Variants in NEB observed in about 807,000 individuals in gnomAD.
NEB encodes the protein nemaline myopathy type 2.
NEB carries 512 observed loss-of-function variants against 952.2 expected under a neutral mutation model. The ratio of observed to expected loss-of-function variants is 0.54; its 90% CI spans 0.50 to 0.58. NEB has a LOEUF of 0.58. Ranked by LOEUF, NEB falls within the 20% of genes least tolerant of loss-of-function variation. The probability of loss-of-function intolerance (pLI) is 0.00; values close to 1 mark genes in which losing one functional copy is unlikely to be tolerated. For missense variants in NEB, 8,428 were observed against 9,231.1 expected (o/e 0.91, Z 3.56); for synonymous variants, 2,900 against 3,149.8 (o/e 0.92, Z 2.66).
At position 151,608,603 on chromosome 2, in the gene NEB, C is replaced by G; in HGVS notation, c.12404G>C (p.Arg4135Thr). The change falls in exon 82 of 182, where the codon AGA becomes ACA. Residue 4135 changes from arginine to threonine, a missense_variant. By Grantham distance (71) the Arg-to-Thr change is moderately conservative. Transcript: ENST00000397345. ...CACGAGGTCTTGAGCAACCTTCACT[C>G]TGTTCATTTCCACTGAGCCTTCTGG... ...WMPEGSVEMN[R>T]VKVAQDLVNE... The G allele has an allele frequency of 7.3e-6, 1 of 136,768 alleles. No individual in the cohort carries two copies. The highest frequency in any genetic ancestry group is 1.0e-4 in the South Asian group (1 of 9,554). 8.5% of individuals were successfully genotyped at this position (136,768 alleles called of 1,614,324 possible).
At chr2:151,540,653 T>C in intron 137 of NEB, 44 bp downstream of exon 137, 3 of 1,539,680 alleles carry the variant, frequency 1.9e-6, no homozygotes, top group Non-Finnish European at 2.7e-6. Context: ...TAACAAAGTA[T>C]TTTTCTTTTT....
chr2:151,669,364 G>A (rs1346287747), intron 38 of NEB, among the ~76,000 whole-genome samples: 1 of 152,144 alleles, frequency 6.6e-6, no homozygotes, highest in Non-Finnish European at 1.5e-5. Flanking sequence ...TGTTTAAAGA[G>A]GTGAGGAAGG....
intron 9 of NEB, among the ~76,000 whole-genome samples, chr2:151,722,871 A>C (rs1201370839): frequency 5.9e-5 from 9 of 152,208 alleles, no homozygotes; most frequent in Non-Finnish European, 1.3e-4. Context: ...TAACAAGTAC[A>C]CTAGTCAGGT....
At chr2:151,733,504 A>T (rs1302296217) in intron 2 of NEB, among the ~76,000 whole-genome samples, 3 of 152,174 alleles carry the variant, frequency 2.0e-5, no homozygotes, top group Non-Finnish European at 4.4e-5. Context: ...AAACACTTAG[A>T]GAAAAGACAT....
intron 9 of NEB, 108 bp downstream of exon 9, chr2:151,723,274 C>T: frequency 4.9e-6 from 3 of 613,646 alleles, no homozygotes; most frequent in East Asian, 2.8e-5. Flanking sequence ...TGAAATACAA[C>T]ATTTAGTCTC....
chr2:151,613,925 C>T (rs1171496497), intron 77 of NEB, among the ~76,000 whole-genome samples: 2 of 152,192 alleles, frequency 1.3e-5, no homozygotes, highest in African/African-American at 2.4e-5. Flanking sequence ...TACCCAGTCT[C>T]AGGTAGTTCT....
intron 10 of NEB, among the ~76,000 whole-genome samples, chr2:151,712,633 C>T (rs193128616): frequency 6.6e-5 from 10 of 152,254 alleles, no homozygotes; most frequent in Non-Finnish European, 1.3e-4. Context: ...GAGGCTGGAG[C>T]TTGCTGGCTA....
chr2:151,708,408 T>C (rs2099728150), intron 12 of NEB, among the ~76,000 whole-genome samples: 1 of 152,176 alleles, frequency 6.6e-6, no homozygotes. Context: ...CAGACATTGG[T>C]AAATCCATTT....
In NEB at chr2:151,519,011, G is replaced by GT; in HGVS notation, c.22648_22649insA (p.Ser7550TyrfsTer24). On this transcript the variant is annotated frameshift_variant, in exon 155 of 182. Coordinates refer to ENST00000397345, the MANE Select transcript of NEB (RefSeq NM_001164508.2). LOFTEE classifies it high-confidence loss of function. Reference sequence around the variant, plus strand: ...ATTCAGGACATGATTCATGATCAGAGACTCCTTCATGTCAGTCACGGGTTT... The same window carrying GT: ...ATTCAGGACATGATTCATGATCAGAGTACTCCTTCATGTCAGTCACGGGTTT... 6.2e-7 allele frequency: 1 copy of GT among 1,613,704 alleles called. No individual in the cohort carries two copies.
In NEB at chr2:151,655,809, C is replaced by T. The variant is rs780650914; in HGVS notation, c.6702+8G>A. 5.0e-6 allele frequency: 8 copies of T among 1,613,246 alleles called. No homozygotes were observed. In the Admixed American group the frequency reaches 1.3e-4, roughly 27 times the overall value. On this transcript the variant is annotated splice_region_variant and intron_variant, in intron 50 of 181. Coordinates refer to ENST00000397345, the MANE Select transcript of NEB (RefSeq NM_001164508.2). ...GGGAGCTGTGTGGACGGCCACTGTT[C>T]TCTGTACCTTGTTCATGGTATGTGC...
At chr2:151,680,562 T>C (rs1246483963) in intron 30 of NEB, among the ~76,000 whole-genome samples, 168 bp downstream of exon 30, 1 of 152,202 alleles carries the variant, frequency 6.6e-6, no homozygotes, top group Non-Finnish European at 1.5e-5. Context: ...ACTGTAAATA[T>C]ATGAATTAGG....
rs1258390027 is a variant in NEB at position 151,702,263 on chromosome 2, G to T, written c.1153-4615C>A. On this transcript the variant is annotated intron_variant, in intron 13 of 181. Coordinates refer to ENST00000397345, the MANE Select transcript of NEB (RefSeq NM_001164508.2). Reference sequence around the variant, plus strand: ...TTATAATGTCTGTTCTTTTACATTTGCTGAGGAGAGCTTTACTTCCAAGTA... The same window carrying T: ...TTATAATGTCTGTTCTTTTACATTTTCTGAGGAGAGCTTTACTTCCAAGTA... Among the ~76,000 whole-genome samples the T allele has an allele frequency of 3.9e-5, 6 of 152,102 alleles. No homozygotes were observed. The South Asian group carries it at 1.0e-3, about 26-fold the overall frequency.
intron 135 of NEB, among the ~76,000 whole-genome samples, chr2:151,542,266 G>A (rs545323278): frequency 5.5e-4 from 83 of 152,206 alleles, no homozygotes; most frequent in Admixed American, 1.0e-3. Context: ...GCTGTTAACT[G>A]GGGTGAAGGA....
chr2:151,501,663 A>G (rs1417852601), intron 167 of NEB, among the ~76,000 whole-genome samples, 180 bp from the exon 168 acceptor site: 1 of 152,230 alleles, frequency 6.6e-6, no homozygotes, highest in African/African-American at 2.4e-5. Flanking sequence ...CACACACAGG[A>G]TGTCTGTCTC....
In NEB at chr2:151,654,014, G is replaced by A. The variant is rs1280388530; in HGVS notation, c.6893C>T (p.Ala2298Val). 5.0e-6 allele frequency: 8 copies of A among 1,612,050 alleles called. No individual in the cohort carries two copies. The African/African-American group carries it at 1.1e-4, about 22-fold the overall frequency. ...CACATCACTAGCAATGTCTCTTGAA[G>A]CTTTAGCTAGCTGTACAGAAATTGC... ...VDAISVQLAK[A>V]SRDIASDYKY... The change falls in exon 52 of 182, where the codon GCT (alanine) becomes GTT (valine). Residue 2298 changes from alanine (A) to valine (V), a missense_variant. Physicochemically the swap from Ala to Val is moderately conservative, Grantham distance 64. This residue lies in a region of NEB where 2,851 missense variants were observed against 2,791.5 expected (regional missense o/e 1.02). Transcript: ENST00000397345.
intron 145 of NEB, among the ~76,000 whole-genome samples, chr2:151,530,368 C>T (rs1042888547): frequency 6.6e-6 from 1 of 152,134 alleles, no homozygotes; most frequent in Non-Finnish European, 1.5e-5. Context: ...TTTTGCTCTT[C>T]TTAAATTTCA....
At chr2:151,715,435 T>C (rs1304485345) in intron 10 of NEB, among the ~76,000 whole-genome samples, 3 of 152,248 alleles carry the variant, frequency 2.0e-5, no homozygotes, top group Non-Finnish European at 4.4e-5. Flanking sequence ...AATTCATATG[T>C]TGAAGACCTA....
In NEB at chr2:151,610,533, T is replaced by C; in HGVS notation, c.12001A>G (p.Arg4001Gly). 2 of 1,611,560 alleles carry C rather than the reference T, an allele frequency of 1.2e-6. No homozygotes were observed. Among genetic ancestry groups the C allele is most frequent in the Non-Finnish European group, 1.7e-6 (2 of 1,177,720 alleles). Residue 4001 changes from arginine to glycine, a missense_variant, in exon 80 of 182, where the codon AGG becomes GGG. Arg to Gly is a moderately radical substitution (Grantham distance 125, BLOSUM62 -2). Around this residue, in one of 11 missense-constraint regions of NEB, gnomAD observed 337 missense variants for 297.5 expected, o/e 1.13. Coordinates refer to ENST00000397345, the MANE Select transcript of NEB (RefSeq NM_001164508.2). ...GTACTCACGTCACTGGCGATGTCCC[T>C]GGAGGCCTTGGCACTTTTGATGGAA... ...AISIKSAKAS[R>G]DIASDYKYKE...
At chr2:151,565,910 A>T in intron 114 of NEB, 90 bp from the exon 115 acceptor site, 1 of 789,242 alleles carries the variant, frequency 1.3e-6, no homozygotes, top group Non-Finnish European at 2.0e-6. Flanking sequence ...AGAAGCTTTT[A>T]AAGGATTTCT....
Sources: allele counts gnomAD v4.1 joint callset (sites outside exome capture counted in the v4.1 genomes callset), GRCh38; gene constraint gnomAD v4.1.1; regional missense constraint gnomAD v4.1.1; transcripts MANE v1.5; gene names NCBI Gene and HGNC (gene_info 2026-07-23, HGNC 2026-07-21).